Variants in TAOK3 observed in about 807,000 individuals in gnomAD.
TAOK3 encodes serine/threonine-protein kinase TAO3.
TAOK3 carries 40 observed loss-of-function variants against 120.4 expected under a neutral mutation model. The ratio of observed to expected loss-of-function variants is 0.33; its 90% CI spans 0.26 to 0.43. The LOEUF is 0.43. Among genes scored for constraint, TAOK3 ranks in the 20% least tolerant of loss-of-function variants. TAOK3 has a pLI of 1.00. For synonymous variants in TAOK3, 355 were observed against 387.5 expected, an observed-to-expected ratio of 0.92 and a Z score of 0.99; for missense variants, 821 against 1,112.1, an observed-to-expected ratio of 0.74 and a Z score of 3.72.
At chr12:118,211,238 A>C (rs907379970) in intron 11 of TAOK3, among the ~76,000 whole-genome samples, 1 of 152,152 alleles carries the variant, frequency 6.6e-6, no homozygotes, top group Non-Finnish European at 1.5e-5. Flanking sequence ...AGATCCAAAC[A>C]TTTCCAGAAA....
intron 13 of TAOK3, chr12:118,190,273 A>C (rs2037361879): frequency 5.4e-6 from 1 of 185,128 alleles, no homozygotes; most frequent in African/African-American, 2.3e-5. Context: ...AAAACGCTGT[A>C]ACCAGATAAT....
At chr12:118,159,004 C>A (rs2035031349) in intron 19 of TAOK3, among the ~76,000 whole-genome samples, 1 of 152,196 alleles carries the variant, frequency 6.6e-6, no homozygotes, top group African/African-American at 2.4e-5. Context: ...TAAGACTCAT[C>A]TCCTTGGGAA....
chr12:118,322,623 A>T (rs2043760589), intron 1 of TAOK3, among the ~76,000 whole-genome samples: 1 of 151,604 alleles, frequency 6.6e-6, no homozygotes, highest in African/African-American at 2.4e-5. Flanking sequence ...AACGTTGCTT[A>T]TGAACATTGA....
chr12:118,209,859 G>A lies in TAOK3; in HGVS notation c.819+3055C>T, dbSNP rs956915281. Among the ~76,000 whole-genome samples, 4 of 151,878 alleles carry A rather than the reference G, an allele frequency of 2.6e-5. No homozygotes were observed. In the South Asian group the frequency reaches 6.2e-4, roughly 24 times the overall value. On this transcript the variant is annotated intron_variant, in intron 11 of 20. Coordinates refer to ENST00000392533, the MANE Select transcript of TAOK3 (RefSeq NM_016281.4). ...CTCCGAAGCAGCTGGGACTAAAGGC[G>A]CATGCCACTGCACCTGGCTAATTTT...
At chr12:118,217,046 A>G (rs2038943142) in intron 9 of TAOK3, among the ~76,000 whole-genome samples, 1 of 152,162 alleles carries the variant, frequency 6.6e-6, no homozygotes, top group Admixed American at 6.6e-5. Context: ...CTAATTCATA[A>G]TCTGATCTCT....
intron 2 of TAOK3, among the ~76,000 whole-genome samples, chr12:118,260,005 C>A (rs56818943): frequency 0.011 from 1,644 of 152,234 alleles, 59 homozygotes; most frequent in East Asian, 0.068. Context: ...TACTCATTCC[C>A]CCTAGCCAGG....
chr12:118,338,803 A>G (rs1362566474), intron 1 of TAOK3, among the ~76,000 whole-genome samples: 1 of 150,010 alleles, frequency 6.7e-6, no homozygotes, highest in Non-Finnish European at 1.5e-5. Flanking sequence ...AAAAAAAAAA[A>G]AAAAAAAAAA....
intron 1 of TAOK3, among the ~76,000 whole-genome samples, chr12:118,324,812 T>A (rs1318456821): frequency 7.2e-6 from 1 of 139,006 alleles, no homozygotes; most frequent in Non-Finnish European, 1.5e-5. Context: ...TGGCGCGATC[T>A]CGGCTCACTG....
chr12:118,186,054 T>C (rs2037055650), intron 14 of TAOK3, among the ~76,000 whole-genome samples: 1 of 152,244 alleles, frequency 6.6e-6, no homozygotes, highest in South Asian at 2.1e-4. Flanking sequence ...TTCATTCACG[T>C]ATCCAATTTC....
rs1234253404 is a variant in TAOK3, at chr12:118,160,314, T to G, written c.2184A>C (p.Lys728Asn). The G allele has an allele frequency of 6.2e-7, 1 of 1,614,170 alleles. No individual in the cohort carries two copies. The highest frequency in any genetic ancestry group is 2.2e-5 in the East Asian group (1 of 44,876). ...QIKKQFQDTC[K>N]VQTKQYKALK... ...GTGCTTTATACTGTTTGGTCTGTAC[T>G]TTGCAAGTGTCCTGAAACTGTTTTT... The change falls in exon 19 of 21, where the codon AAA becomes AAC. Residue 728 changes from lysine (K) to asparagine (N), a missense_variant. Lys to Asn is a moderately conservative substitution (Grantham distance 94, BLOSUM62 0). Coordinates refer to ENST00000392533, the MANE Select transcript of TAOK3 (RefSeq NM_016281.4). This position sits in a 1 kb window ranked among gnomAD's most constrained non-coding sequence, Gnocchi z 4.2.
At chr12:118,219,620 G>A (rs560394365) in intron 9 of TAOK3, among the ~76,000 whole-genome samples, 2 of 151,804 alleles carry the variant, frequency 1.3e-5, no homozygotes, top group African/African-American at 4.8e-5. Flanking sequence ...ATTTTTTTGA[G>A]ACAGGGTCTT....
intron 9 of TAOK3, among the ~76,000 whole-genome samples, chr12:118,226,847 G>A (rs1337872785): frequency 5.3e-5 from 8 of 152,144 alleles, no homozygotes; most frequent in Middle Eastern, 6.8e-3. Flanking sequence ...ACATATAAGG[G>A]GCTGTCTTAA....
intron 9 of TAOK3, among the ~76,000 whole-genome samples, chr12:118,220,786 G>GT (rs2039191405): frequency 1.3e-5 from 2 of 152,030 alleles, no homozygotes; most frequent in African/African-American, 4.8e-5. Context: ...CCATGTAATG[G>GT]TAGAAGAAAT....
intron 9 of TAOK3, among the ~76,000 whole-genome samples, chr12:118,233,307 A>G (rs2039868785): frequency 6.6e-6 from 1 of 151,624 alleles, no homozygotes; most frequent in Non-Finnish European, 1.5e-5. Context: ...ATGTTAAATG[A>G]CGAGTTAATG....
Position 118,214,005 on chromosome 12 carries a change from G to T in TAOK3, c.737+12C>A. ...ATTTTCTTAGAGATTTAAAATGATA[G>T]CAGAGTCTTACCATTCATTAGACTG... On this transcript the variant is annotated intron_variant, in intron 10 of 20. Coordinates refer to ENST00000392533, the MANE Select transcript of TAOK3 (RefSeq NM_016281.4). 1 of 1,593,314 alleles carries T rather than the reference G, an allele frequency of 6.3e-7. No homozygotes were observed. The highest frequency in any genetic ancestry group is 8.6e-7 in the Non-Finnish European group (1 of 1,162,632).
chr12:118,312,973 C>T lies in TAOK3; in HGVS notation c.-193-46214G>A, dbSNP rs147015717. On this transcript the variant is annotated intron_variant, in intron 1 of 20. Transcript: ENST00000392533. ...GCTGGTGAGGCTCTATTCTGCTGAG[C>T]CCTGTATTAAAATCTGGAGTGAAAA... 4.3e-3 allele frequency among the ~76,000 whole-genome samples: 656 copies of T among 152,218 alleles called. 6 individuals are homozygous for T. Among genetic ancestry groups the T allele is most frequent in the African/African-American group, 0.015 (642 of 41,536 alleles).
At chr12:118,327,474 AAAT>A (rs1286347761) in intron 1 of TAOK3, among the ~76,000 whole-genome samples, 2 of 152,216 alleles carry the variant, frequency 1.3e-5, no homozygotes, top group South Asian at 4.1e-4. Flanking sequence ...ATATATTAAG[AAAT>A]AATAATAGTG....
chr12:118,165,680 A>G (rs983529563), intron 17 of TAOK3, among the ~76,000 whole-genome samples: 1 of 152,352 alleles, frequency 6.6e-6, no homozygotes. Context: ...TCTGTATTTC[A>G]GGTGTAAAAT....
intron 16 of TAOK3, 24 bp downstream of exon 16, chr12:118,177,177 G>A: frequency 6.2e-7 from 1 of 1,608,436 alleles, no homozygotes; most frequent in Non-Finnish European, 8.5e-7. Context: ...GCAACTTGGT[G>A]AGAACAAACA....
Sources: allele counts gnomAD v4.1 joint callset (sites outside exome capture counted in the v4.1 genomes callset), GRCh38; gene constraint gnomAD v4.1.1; non-coding constraint Gnocchi (gnomAD v3.1); transcripts MANE v1.5; gene names NCBI Gene and HGNC (gene_info 2026-07-23, HGNC 2026-07-21).